Variants in SLC24A1 observed in about 807,000 individuals in gnomAD.
SLC24A1 encodes the protein solute carrier family 24 member 1.
A neutral mutation model predicts 88.1 loss-of-function variants in SLC24A1; 52 were observed. That is an observed-to-expected ratio of 0.59 (90% CI 0.47 to 0.74). The LOEUF is 0.74. SLC24A1 is among the 30% of genes least tolerant of loss of function. The pLI, the probability that SLC24A1 is intolerant of heterozygous loss-of-function variation, is 0.00. For synonymous variants in SLC24A1, 455 were observed against 498.0 expected, an observed-to-expected ratio of 0.91 and a Z score of 1.15; for missense variants, 1,173 against 1,363.3, an observed-to-expected ratio of 0.86 and a Z score of 2.20.
chr15:65,651,021 CAAG>C (rs2075485863), intron 7 of SLC24A1, 79 bp downstream of exon 7: 1 of 1,256,262 alleles, frequency 8.0e-7, no homozygotes, highest in South Asian at 1.2e-5. Context: ...GGCTCACACT[CAAG>C]AGGAGGAAGA....
At chr15:65,648,255 G>A (rs1244097391) in intron 6 of SLC24A1, among the ~76,000 whole-genome samples, 1 of 151,426 alleles carries the variant, frequency 6.6e-6, no homozygotes, top group Non-Finnish European at 1.5e-5. Flanking sequence ...GCAAGACTCC[G>A]CCTCAAAACA....
intron 2 of SLC24A1, among the ~76,000 whole-genome samples, chr15:65,614,831 GA>G (rs1183319094): frequency 1.3e-5 from 2 of 151,674 alleles, no homozygotes; most frequent in Non-Finnish European, 2.9e-5. Flanking sequence ...GAGGTTATTG[GA>G]AAAAAAAGTC....
chr15:65,625,978 C>T lies in SLC24A1; in HGVS notation c.1890+8C>T. The T allele has an allele frequency of 6.2e-7, 1 of 1,602,166 alleles. No individual in the cohort carries two copies. The highest frequency in any genetic ancestry group is 8.6e-7 in the Non-Finnish European group (1 of 1,169,308). On this transcript the variant is annotated splice_region_variant and intron_variant, in intron 2 of 9. Coordinates refer to ENST00000261892, the MANE Select transcript of SLC24A1 (RefSeq NM_004727.3). ...TTAGAAGACCTCAGCAAGGTAAGGA[C>T]AAATTGGCTCAGGTTTCTCTAGCCC...
chr15:65,617,665 T>C (rs1175949148), upstream of SLC24A1, among the ~76,000 whole-genome samples: 1 of 152,222 alleles, frequency 6.6e-6, no homozygotes, highest in Admixed American at 6.5e-5. Flanking sequence ...AATCATGTCA[T>C]CTGCAAACAG....
chr15:65,648,239 G>A (rs1057357259), intron 6 of SLC24A1, among the ~76,000 whole-genome samples: 2 of 151,794 alleles, frequency 1.3e-5, no homozygotes, highest in African/African-American at 2.4e-5. Context: ...CAGCCTGGGC[G>A]ACAGAGCAAG....
chr15:65,641,150 G>C (rs183499417), intron 4 of SLC24A1, among the ~76,000 whole-genome samples: 12 of 152,252 alleles, frequency 7.9e-5, no homozygotes, highest in South Asian at 2.1e-4. Flanking sequence ...CAAGGTGGGC[G>C]GATCACGAGG....
At chr15:65,616,708 G>A (rs954510069) in intron 2 of SLC24A1, among the ~76,000 whole-genome samples, 6 of 152,202 alleles carry the variant, frequency 3.9e-5, no homozygotes, top group Admixed American at 3.3e-4. Flanking sequence ...TTCTTTTGCT[G>A]TGCAGAAGCT....
intron 6 of SLC24A1, among the ~76,000 whole-genome samples, chr15:65,648,672 A>T (rs12914034): frequency 0.48 from 71,914 of 150,994 alleles, 18,616 homozygotes; most frequent in East Asian, 0.74. Context: ...TTATTTATTT[A>T]TTTTTTTTAA....
chr15:65,642,443 T>C (rs2075161256), intron 4 of SLC24A1, among the ~76,000 whole-genome samples: 1 of 151,948 alleles, frequency 6.6e-6, no homozygotes, highest in South Asian at 2.1e-4. Context: ...ACATGGGAAG[T>C]GAGAGTCTAG....
upstream of SLC24A1, chr15:65,618,941 C>G (rs945241150): frequency 1.3e-5 from 2 of 152,252 alleles, no homozygotes; most frequent in Non-Finnish European, 2.9e-5. Context: ...CTGAGCTGCA[C>G]TCAGTGTGAA....
At chr15:65,623,802 G>T (rs1333421897) in intron 1 of SLC24A1, among the ~76,000 whole-genome samples, 153 bp from the exon 2 acceptor site, 1 of 152,172 alleles carries the variant, frequency 6.6e-6, no homozygotes, top group Admixed American at 6.5e-5. Flanking sequence ...TTCCTCTGGA[G>T]CAGGGGGCAG....
chr15:65,660,403 T>C (rs2075815465), downstream of SLC24A1: 33 of 1,049,752 alleles, frequency 3.1e-5, 1 homozygote, highest in South Asian at 4.6e-4. Context: ...AGTCCAAGTG[T>C]CGTGGACTCT....
chr15:65,631,801 G>C (rs1345514336), intron 2 of SLC24A1, among the ~76,000 whole-genome samples: 1 of 151,988 alleles, frequency 6.6e-6, no homozygotes, highest in African/African-American at 2.4e-5. Flanking sequence ...CTCCATGCAG[G>C]GCCCTGTGCA....
At chr15:65,656,911 C>T (rs2075701820), downstream of SLC24A1, among the ~76,000 whole-genome samples, 1 of 152,190 alleles carries the variant, frequency 6.6e-6, no homozygotes, top group South Asian at 2.1e-4. Flanking sequence ...TGCCCTGTCA[C>T]CCAGGCTAGA....
chr15:65,644,524 G>A lies in SLC24A1; in HGVS notation c.2140+11G>A, dbSNP rs1251609506. The stretch of plus-strand genomic sequence containing the variant: ...AAAGCAAACCAGAAGGTGAGAGGAT[G>A]GCCAGACCAGTGGGTTTTCTCCTGC... On this transcript the variant is annotated intron_variant, in intron 5 of 9. Transcript: ENST00000261892. 1 of 1,559,626 alleles carries A rather than the reference G, an allele frequency of 6.4e-7. No homozygotes were observed. Among genetic ancestry groups the A allele is most frequent in the Admixed American group, 1.9e-5 (1 of 52,586 alleles).
upstream of SLC24A1, among the ~76,000 whole-genome samples, chr15:65,621,323 G>A (rs1341929046): frequency 3.9e-5 from 6 of 152,144 alleles, no homozygotes; most frequent in African/African-American, 1.4e-4. Flanking sequence ...CTGGAGGCGC[G>A]GGGGGCTCAG....
In SLC24A1 at chr15:65,625,192, C is replaced by T. The variant is rs1323413765; in HGVS notation, c.1112C>T (p.Pro371Leu). The change falls in exon 2 of 10, where the codon CCT becomes CTT. Residue 371 changes from proline to leucine, a missense_variant. Physicochemically the swap from Pro to Leu is moderately conservative, Grantham distance 98 (BLOSUM62 -3). Transcript: ENST00000261892. Reference sequence around the variant, plus strand: ...ATAGTCTGGAGGCTGGCAAAGAAACCTTCCACAGCACCCAGCACCTCAACA... The same window carrying T: ...ATAGTCTGGAGGCTGGCAAAGAAACTTTCCACAGCACCCAGCACCTCAACA... ...PAIVWRLAKK[P>L]STAPSTSTTP... The T allele has an allele frequency of 1.9e-6, 3 of 1,613,914 alleles. No individual in the cohort carries two copies. Among genetic ancestry groups the T allele is most frequent in the Non-Finnish European group, 2.5e-6 (3 of 1,179,886 alleles).
intron 4 of SLC24A1, among the ~76,000 whole-genome samples, chr15:65,642,551 A>G (rs944883536): frequency 6.6e-6 from 1 of 152,194 alleles, no homozygotes; most frequent in Non-Finnish European, 1.5e-5. Flanking sequence ...GACCAGAACC[A>G]AGGGAGCCCT....
In SLC24A1 at chr15:65,625,838, C is replaced by G. The variant is rs1305481562; in HGVS notation, c.1758C>G (p.Ser586Arg). The G allele has an allele frequency of 1.1e-5, 18 of 1,613,402 alleles. No individual in the cohort carries two copies. Among genetic ancestry groups the G allele is most frequent in the Non-Finnish European group, 1.4e-5 (17 of 1,179,562 alleles). ...ACAGCCTCATTGCCTGGTGGGAGAG[C>G]CTGCTGCTGCTGCTGGCCTATGCCT... ...FLDSLIAWWESLLLLLAYAFY... is the reference protein window; with the variant it reads ...FLDSLIAWWERLLLLLAYAFY... The change falls in exon 2 of 10, where the codon AGC becomes AGG. Residue 586 changes from serine (S) to arginine (R), a missense_variant. Transcript: ENST00000261892.
Sources: allele counts gnomAD v4.1 joint callset (sites outside exome capture counted in the v4.1 genomes callset), GRCh38; gene constraint gnomAD v4.1.1; transcripts MANE v1.5; gene names NCBI Gene and HGNC (gene_info 2026-07-23, HGNC 2026-07-21).